Variants in SLC24A4 observed in about 807,000 individuals in gnomAD.
SLC24A4 encodes the protein solute carrier family 24 member 4.
SLC24A4 carries 53 observed loss-of-function variants against 79.0 expected under a neutral mutation model. That is an observed-to-expected ratio of 0.67 (90% CI 0.54 to 0.84). The LOEUF (loss-of-function observed/expected upper bound fraction) is 0.84, where lower values mean the gene tolerates loss of function less well. SLC24A4 is among the 40% of genes least tolerant of loss of function. SLC24A4 has a pLI of 0.00. For synonymous variants in SLC24A4, 323 were observed against 323.8 expected (o/e 1.00, Z 0.03); for missense variants, 731 against 822.0 (o/e 0.89, Z 1.35).
At chr14:92,387,847 G>T (rs1439598593) in intron 2 of SLC24A4, among the ~76,000 whole-genome samples, 1 of 152,246 alleles carries the variant, frequency 6.6e-6, no homozygotes, top group East Asian at 1.9e-4. Context: ...CACTTAGCAT[G>T]AGTCACCCAT....
chr14:92,362,533 C>G (rs1215914540), intron 2 of SLC24A4, among the ~76,000 whole-genome samples: 4 of 152,190 alleles, frequency 2.6e-5, no homozygotes, highest in Admixed American at 2.0e-4. Context: ...GCTAATATGT[C>G]TGCTTGGCAG....
At chr14:92,340,313 G>T (rs1025400493) in intron 2 of SLC24A4, among the ~76,000 whole-genome samples, 4 of 152,240 alleles carry the variant, frequency 2.6e-5, no homozygotes, top group African/African-American at 4.8e-5. Flanking sequence ...CGTAATCACT[G>T]CATGTGACCT....
chr14:92,449,694 G>A (rs1893027727), intron 10 of SLC24A4, among the ~76,000 whole-genome samples: 3 of 152,196 alleles, frequency 2.0e-5, no homozygotes, highest in Admixed American at 1.3e-4. Flanking sequence ...CTCGGGCTGG[G>A]AACTGTTGCC....
chr14:92,488,331 C>T (rs1486855888), intron 14 of SLC24A4, among the ~76,000 whole-genome samples: 1 of 152,126 alleles, frequency 6.6e-6, no homozygotes, highest in African/African-American at 2.4e-5. Flanking sequence ...CTCAGCCTCC[C>T]AAAGTGCTGG....
chr14:92,493,575 G>A lies in SLC24A4; in HGVS notation c.1816G>A (p.Glu606Lys), dbSNP rs1318233510. Residue 606 changes from glutamate (E) to lysine (K), a missense_variant, in exon 17 of 17, where the codon GAG becomes AAG. Coordinates refer to ENST00000532405, the MANE Select transcript of SLC24A4 (RefSeq NM_153646.4). ...AIFLCFSIMI[E>K]FNVFTFVNLP... The stretch of plus-strand genomic sequence containing the variant: ...CTTCTTGTGCTTCTCCATAATGATA[G>A]AGTTTAACGTCTTTACCTTCGTCAA... 1 of 1,614,182 alleles carries A rather than the reference G, an allele frequency of 6.2e-7. No individual in the cohort carries two copies. The highest frequency in any genetic ancestry group is 1.7e-5 in the Admixed American group (1 of 60,022).
At chr14:92,491,408 A>C (rs1250579914) in intron 14 of SLC24A4, among the ~76,000 whole-genome samples, 2 of 152,202 alleles carry the variant, frequency 1.3e-5, no homozygotes, top group African/African-American at 4.8e-5. Context: ...CCTATCTCCA[A>C]ATAAAGCCAC....
intron 12 of SLC24A4, among the ~76,000 whole-genome samples, chr14:92,470,303 C>T (rs1209598677): frequency 6.6e-6 from 1 of 152,200 alleles, no homozygotes; most frequent in African/African-American, 2.4e-5. Flanking sequence ...CTCTCCAGGT[C>T]ATATAAGTGC....
intron 2 of SLC24A4, among the ~76,000 whole-genome samples, chr14:92,415,170 C>G (rs1313885251): frequency 6.6e-6 from 1 of 152,178 alleles, no homozygotes; most frequent in East Asian, 1.9e-4. Context: ...TGGACTTGTT[C>G]TTTTCCATTG....
At position 92,490,147 on chromosome 14, in the gene SLC24A4, C is replaced by T. The variant is rs190188216; in HGVS notation, c.1538-1518C>T. 3.7e-4 allele frequency among the ~76,000 whole-genome samples: 57 copies of T among 152,282 alleles called. No individual in the cohort carries two copies. The highest frequency in any genetic ancestry group is 9.9e-4 in the African/African-American group (41 of 41,566). On this transcript the variant is annotated intron_variant, in intron 14 of 16. Coordinates refer to ENST00000532405, the MANE Select transcript of SLC24A4 (RefSeq NM_153646.4). The surrounding 1 kb of genome is among the most constrained non-coding windows in gnomAD (Gnocchi z 4.3). Reference sequence around the variant, plus strand: ...AGAGATGGGCCACCTGTGTGGGTGCCGATCTGAGTTGCCTGCCGTATGTGC... The same window carrying T: ...AGAGATGGGCCACCTGTGTGGGTGCTGATCTGAGTTGCCTGCCGTATGTGC...
intron 12 of SLC24A4, 109 bp from the exon 13 acceptor site, chr14:92,482,571 G>T (rs1408832739): frequency 4.7e-6 from 5 of 1,059,620 alleles, no homozygotes; most frequent in Non-Finnish European, 4.1e-6. Flanking sequence ...TCACATCGGT[G>T]GCATTCTCTT....
intron 2 of SLC24A4, among the ~76,000 whole-genome samples, chr14:92,410,047 A>G (rs1890623938): frequency 1.3e-5 from 2 of 152,210 alleles, no homozygotes; most frequent in African/African-American, 4.8e-5. Context: ...TGAGGGGGGA[A>G]GGTGGGAGGA....
intron 7 of SLC24A4, 86 bp from the exon 8 acceptor site, chr14:92,445,231 C>T: frequency 2.7e-6 from 4 of 1,485,648 alleles, no homozygotes; most frequent in Non-Finnish European, 3.8e-6. Context: ...TATAAATTGG[C>T]TCTGGGTGCC....
At chr14:92,420,718 C>T (rs1891227834) in intron 2 of SLC24A4, among the ~76,000 whole-genome samples, 1 of 152,130 alleles carries the variant, frequency 6.6e-6, no homozygotes, top group Non-Finnish European at 1.5e-5. Context: ...ATTGTTTCTG[C>T]AGTTGTATCA....
rs1211378904 is a variant in SLC24A4 at position 92,408,204 on chromosome 14, TC to T, written c.242-25707del. 2.0e-3 allele frequency among the ~76,000 whole-genome samples: 301 copies of T among 151,592 alleles called. 3 individuals carry two copies. The highest frequency in any genetic ancestry group is 6.8e-3 in the African/African-American group (278 of 41,122). On this transcript the variant is annotated intron_variant, in intron 2 of 16. Coordinates refer to ENST00000532405, the MANE Select transcript of SLC24A4 (RefSeq NM_153646.4). Reference sequence around the variant, plus strand: ...GTGTGTGTGTGTGTGTGTGTGTGTTTCACATCCACAAGGGGGAATAAGTCAG... The same window carrying T: ...GTGTGTGTGTGTGTGTGTGTGTGTTTACATCCACAAGGGGGAATAAGTCAG...
chr14:92,458,825 G>A (rs775516401), intron 12 of SLC24A4, among the ~76,000 whole-genome samples: 13 of 152,198 alleles, frequency 8.5e-5, no homozygotes, highest in Admixed American at 7.9e-4. Flanking sequence ...AAGGAATTTC[G>A]GTTCTTTGGG....
intron 14 of SLC24A4, among the ~76,000 whole-genome samples, chr14:92,491,407 A>G (rs1177698801): frequency 1.3e-5 from 2 of 152,220 alleles, no homozygotes; most frequent in African/African-American, 4.8e-5. Context: ...CCCTATCTCC[A>G]AATAAAGCCA....
At chr14:92,453,800 A>G (rs528837685) in intron 10 of SLC24A4, 100 bp from the exon 11 acceptor site, 5 of 1,332,824 alleles carry the variant, frequency 3.8e-6, no homozygotes, top group Non-Finnish European at 5.0e-6. Context: ...CCAGGACCAC[A>G]GCCTAGGGCA....
chr14:92,346,173 A>G (rs1195909829), intron 2 of SLC24A4, among the ~76,000 whole-genome samples: 5 of 152,208 alleles, frequency 3.3e-5, no homozygotes, highest in South Asian at 2.1e-4. Flanking sequence ...GACTGAACTC[A>G]TTGAAACATT....
chr14:92,461,239 T>C (rs912210278), intron 12 of SLC24A4, among the ~76,000 whole-genome samples: 5 of 152,186 alleles, frequency 3.3e-5, no homozygotes, highest in African/African-American at 1.2e-4. Context: ...ACATTGTTCT[T>C]ACCAGGACGC....
Sources: allele counts gnomAD v4.1 joint callset (sites outside exome capture counted in the v4.1 genomes callset), GRCh38; gene constraint gnomAD v4.1.1; non-coding constraint Gnocchi (gnomAD v3.1); transcripts MANE v1.5; gene names NCBI Gene and HGNC (gene_info 2026-07-23, HGNC 2026-07-21).